The following PDE11A variants were observed in gnomAD, a reference collection of about 807,000 sequenced individuals.
PDE11A encodes the protein phosphodiesterase 11A.
A neutral mutation model predicts 100.5 loss-of-function variants in PDE11A; 100 were observed. That is an observed-to-expected ratio of 1.00 (90% confidence interval 0.85 to 1.18). PDE11A has a LOEUF of 1.18. PDE11A is among the 50% of genes most tolerant of loss of function. The pLI is 0.00. For synonymous variants in PDE11A, 381 were observed against 420.8 expected (o/e 0.91, Z 1.16); for missense variants, 1,141 against 1,152.6 (o/e 0.99, Z 0.15).
chr2:177,923,544 C>G (rs2085084148), intron 2 of PDE11A, among the ~76,000 whole-genome samples: 1 of 152,078 alleles, frequency 6.6e-6, no homozygotes, highest in African/African-American at 2.4e-5. Context: ...CATTGTTGAC[C>G]CAATCTCTGA....
At chr2:177,782,405 C>A (rs1256150157) in intron 9 of PDE11A, among the ~76,000 whole-genome samples, 1 of 152,216 alleles carries the variant, frequency 6.6e-6, no homozygotes, top group Non-Finnish European at 1.5e-5. Flanking sequence ...CAACATTCAA[C>A]TGGGACTTGC....
At chr2:178,085,801 G>C (rs991684958) in intron 2 of PDE11A, among the ~76,000 whole-genome samples, 6 of 152,030 alleles carry the variant, frequency 3.9e-5, no homozygotes, top group Non-Finnish European at 8.8e-5. Context: ...TGCAACAAAG[G>C]CCAATTAAAA....
At chr2:177,632,594 C>A (rs1267251992) in intron 19 of PDE11A, among the ~76,000 whole-genome samples, 2 of 152,208 alleles carry the variant, frequency 1.3e-5, no homozygotes, top group Admixed American at 1.3e-4. Flanking sequence ...GGGGACCTTT[C>A]AGACTCCTGC....
intron 4 of PDE11A, among the ~76,000 whole-genome samples, chr2:177,895,580 T>C (rs2084600700): frequency 6.6e-6 from 1 of 152,092 alleles, no homozygotes; most frequent in Admixed American, 6.6e-5. Flanking sequence ...TATTCTGCCT[T>C]TAAAAAGAAT....
intron 1 of PDE11A, chr2:178,039,119 G>A (rs780077404): frequency 2.0e-5 from 3 of 152,124 alleles, no homozygotes; most frequent in Non-Finnish European, 4.4e-5. Context: ...TGGAATCAAT[G>A]TTTTTGCAGG....
intron 15 of PDE11A, among the ~76,000 whole-genome samples, chr2:177,685,319 A>C (rs985703047): frequency 6.6e-6 from 1 of 152,208 alleles, no homozygotes; most frequent in African/African-American, 2.4e-5. Context: ...ATTCAGGAAA[A>C]GCCCTGTCAG....
intron 17 of PDE11A, 89 bp downstream of exon 17, chr2:177,675,366 G>A: frequency 1.1e-6 from 1 of 927,930 alleles, no homozygotes; most frequent in Non-Finnish European, 1.8e-6. Flanking sequence ...GGGTTTCAGT[G>A]CCTGGTAGTC....
intron 2 of PDE11A, among the ~76,000 whole-genome samples, chr2:177,909,912 C>A (rs982653206): frequency 6.6e-6 from 1 of 152,174 alleles, no homozygotes; most frequent in African/African-American, 2.4e-5. Flanking sequence ...TTATCAAGTG[C>A]AACTGATGCT....
intron 10 of PDE11A, among the ~76,000 whole-genome samples, chr2:177,763,402 G>T (rs1161624660): frequency 6.6e-6 from 1 of 152,200 alleles, no homozygotes; most frequent in African/African-American, 2.4e-5. Flanking sequence ...AATGACCCGA[G>T]ATGCACTGGA....
intron 2 of PDE11A, among the ~76,000 whole-genome samples, chr2:178,099,192 G>A (rs1051102340): frequency 3.9e-5 from 6 of 152,282 alleles, no homozygotes; most frequent in Non-Finnish European, 7.4e-5. Context: ...TTGGGAGGCC[G>A]AGGCGGGCAG....
At chr2:178,054,996 A>G (rs1336847449) in intron 1 of PDE11A, among the ~76,000 whole-genome samples, 1 of 152,108 alleles carries the variant, frequency 6.6e-6, no homozygotes, top group Non-Finnish European at 1.5e-5. Flanking sequence ...CCCATTACTG[A>G]GTATATACCC....
chr2:177,792,567 C>T (rs2082647945), intron 9 of PDE11A, among the ~76,000 whole-genome samples: 1 of 152,150 alleles, frequency 6.6e-6, no homozygotes, highest in Non-Finnish European at 1.5e-5. Context: ...ATGTTTGAAA[C>T]AGCGTGGCTC....
At chr2:177,919,332 C>T (rs530077515) in intron 2 of PDE11A, among the ~76,000 whole-genome samples, 104 of 152,122 alleles carry the variant, frequency 6.8e-4, no homozygotes, top group African/African-American at 2.3e-3. Context: ...TTTTTGACCT[C>T]GTGATCCGCC....
chr2:177,721,369 G>T (rs1029195489), intron 12 of PDE11A, among the ~76,000 whole-genome samples: 1 of 152,030 alleles, frequency 6.6e-6, no homozygotes, highest in East Asian at 1.9e-4. Flanking sequence ...TCCTAATGTG[G>T]TCAAATAAAA....
At chr2:178,036,225 C>T (rs1166140989) in intron 1 of PDE11A, among the ~76,000 whole-genome samples, 2 of 152,124 alleles carry the variant, frequency 1.3e-5, no homozygotes, top group Non-Finnish European at 2.9e-5. Context: ...TCCTATATAT[C>T]AACAATAGAT....
chr2:177,982,509 G>GA (rs895506376), intron 2 of PDE11A, among the ~76,000 whole-genome samples: 3 of 150,352 alleles, frequency 2.0e-5, no homozygotes, highest in East Asian at 3.9e-4. Context: ...TAGGGGATAC[G>GA]ACACCTTGGT....
At chr2:178,054,939 G>A (rs1273829349) in intron 1 of PDE11A, among the ~76,000 whole-genome samples, 2 of 152,200 alleles carry the variant, frequency 1.3e-5, no homozygotes, top group Non-Finnish European at 2.9e-5. Flanking sequence ...AGACAGTGTG[G>A]CGATTCTTCA....
At chr2:177,831,673 T>C (rs974452641) in intron 6 of PDE11A, among the ~76,000 whole-genome samples, 7 of 152,190 alleles carry the variant, frequency 4.6e-5, no homozygotes, top group African/African-American at 1.7e-4. Flanking sequence ...CATTCATAAG[T>C]TGCTGCTGAA....
rs2079878573 is a variant in PDE11A, at chr2:177,629,194, T to C, written c.*213A>G. 3.3e-6 allele frequency: 2 copies of C among 606,832 alleles called. No individual in the cohort carries two copies. The highest frequency in any genetic ancestry group is 1.8e-5 in the African/African-American group (1 of 54,640). 37.6% of individuals were successfully genotyped at this position (606,832 alleles called of 1,614,324 possible). A position where few individuals can be genotyped will look rare whatever the true frequency, so the allele number is the denominator to read the frequency against. ...GTTCATTAGGGAAAAGTGAGGGTCC[T>C]GGGGTGTGCTCCCTGCCCCACCTCT... On this transcript the variant is annotated 3_prime_UTR_variant, in exon 20 of 20. Coordinates refer to ENST00000286063, the MANE Select transcript of PDE11A (RefSeq NM_016953.4).
Sources: allele counts gnomAD v4.1 joint callset (sites outside exome capture counted in the v4.1 genomes callset), GRCh38; gene constraint gnomAD v4.1.1; transcripts MANE v1.5; gene names NCBI Gene and HGNC (gene_info 2026-07-23, HGNC 2026-07-21).